Variants in KLHL30 observed in about 807,000 individuals in gnomAD.
The protein encoded by KLHL30 is kelch like family member 30.
A neutral mutation model predicts 55.0 loss-of-function variants in KLHL30; 55 were observed. The observed-to-expected ratio is 1.00, with a 90% CI of 0.80 to 1.25. The LOEUF (loss-of-function observed/expected upper bound fraction) is 1.25. Among genes scored for constraint, KLHL30 ranks in the 50% most tolerant of loss-of-function variants. The pLI, the probability that KLHL30 is intolerant of heterozygous loss-of-function variation, is 0.00. For missense variants in KLHL30, 786 were observed against 811.6 expected (o/e 0.97, Z 0.38); for synonymous variants, 356 against 372.6 (o/e 0.96, Z 0.51).
rs1054289941 is a variant in KLHL30 at position 238,146,797 on chromosome 2, G to A, written c.1150+965G>A. Among the ~76,000 whole-genome samples, 11 of 151,764 alleles carry A rather than the reference G, an allele frequency of 7.2e-5. No individual in the cohort carries two copies. The East Asian group carries it at 1.2e-3, about 16-fold the overall frequency. On this transcript the variant is annotated intron_variant, in intron 5 of 7. Coordinates refer to ENST00000409223, the MANE Select transcript of KLHL30 (RefSeq NM_198582.4). The stretch of plus-strand genomic sequence containing the variant: ...AGCACTTTGGGAGGCTGAGGCAGGC[G>A]GATCACGAGGCCAGGAGTTCAAGAC...
Position 238,145,781 on chromosome 2 carries a change from C to T in KLHL30, c.1099C>T (p.Arg367Cys), listed in dbSNP as rs751824165. 2.2e-5 allele frequency: 35 copies of T among 1,607,668 alleles called. No homozygotes were observed. The highest frequency in any genetic ancestry group is 4.0e-5 in the African/African-American group (3 of 74,848). ...GCCCGTGGCGCCCATGCTGAAGCCCCGCACCAACCACGCCAGCGCGGCCCT... is the reference window on the plus strand; with the variant it reads ...GCCCGTGGCGCCCATGCTGAAGCCCTGCACCAACCACGCCAGCGCGGCCCT... The part of the protein sequence containing the change: ...WKPVAPMLKP[R>C]TNHASAALNG... Residue 367 changes from arginine to cysteine, a missense_variant, in exon 5 of 8, where the codon CGC (arginine) becomes TGC (cysteine). Coordinates refer to ENST00000409223, the MANE Select transcript of KLHL30 (RefSeq NM_198582.4).
intron 3 of KLHL30, among the ~76,000 whole-genome samples, chr2:238,144,103 G>A (rs1429190825): frequency 6.6e-6 from 1 of 152,226 alleles, no homozygotes; most frequent in East Asian, 1.9e-4. Context: ...AGCTCCGAGA[G>A]GCAGGCCTGA....
chr2:238,142,982 G>A (rs1183521263), intron 3 of KLHL30, 51 bp downstream of exon 3: 23 of 1,479,262 alleles, frequency 1.6e-5, no homozygotes, highest in African/African-American at 3.0e-5. Context: ...CTGTCCCAGC[G>A]GGAGCCGCTG....
In KLHL30 at chr2:238,147,010, A is replaced by G. The variant is rs962360875; in HGVS notation, c.1151-824A>G. Among the ~76,000 whole-genome samples, 3 of 151,230 alleles carry G rather than the reference A, an allele frequency of 2.0e-5. No homozygotes were observed. The highest frequency in any genetic ancestry group is 7.3e-5 in the African/African-American group (3 of 41,238). ...GACAGGGTGAGACTCCATCTCAAAA[A>G]AAAAAAAAAAAAGGCAGGCATGGTG... On this transcript the variant is annotated intron_variant, in intron 5 of 7. Coordinates refer to ENST00000409223, the MANE Select transcript of KLHL30 (RefSeq NM_198582.4). This position sits in a 1 kb window ranked among gnomAD's most constrained non-coding sequence, Gnocchi z 5.8.
rs545816689 is a variant in KLHL30 at position 238,151,179 on chromosome 2, C to T, written c.*114C>T. On this transcript the variant is annotated 3_prime_UTR_variant, in exon 8 of 8. Coordinates refer to ENST00000409223, the MANE Select transcript of KLHL30 (RefSeq NM_198582.4). Reference sequence around the variant, plus strand: ...ACTCGGAGCTACCATTCCTTCCAAGCTGCGCTCAGGCCACCAGGGGTGATC... The same window carrying T: ...ACTCGGAGCTACCATTCCTTCCAAGTTGCGCTCAGGCCACCAGGGGTGATC... 15 of 1,417,130 alleles carry T rather than the reference C, an allele frequency of 1.1e-5. No individual in the cohort carries two copies. In the African/African-American group the frequency reaches 2.0e-4, roughly 19 times the overall value. The allele number at this position is 1,417,130 out of a possible 1,614,324, so 87.8% of individuals were successfully genotyped here.
In KLHL30 at chr2:238,149,011, G is replaced by T. The variant is rs370596499; in HGVS notation, c.1344G>T (p.Ala448=). The T allele has an allele frequency of 6.3e-6, 10 of 1,597,264 alleles. No individual in the cohort carries two copies. In the Admixed American group the frequency reaches 1.8e-4, roughly 28 times the overall value. The change falls in exon 7 of 8, where the codon GCG becomes GCT. Residue 448 remains alanine (A), a synonymous_variant. Coordinates refer to ENST00000409223, the MANE Select transcript of KLHL30 (RefSeq NM_198582.4). ...CAGTGCCCGTGCCCCCCACAGATGC[G>T]TGGAGTGTGATCGCCTCGCCCTTCC... The part of the protein sequence containing the change: ...ALQCYNPVTD[A]WSVIASPFLP...
chr2:238,145,308 T>G (rs1692627525), intron 4 of KLHL30, among the ~76,000 whole-genome samples: 1 of 152,146 alleles, frequency 6.6e-6, no homozygotes, highest in Non-Finnish European at 1.5e-5. Flanking sequence ...GGCGGCCTCC[T>G]TCAGCAGGAA....
At chr2:238,143,116 GA>G (rs1307600738) in intron 3 of KLHL30, among the ~76,000 whole-genome samples, 185 bp downstream of exon 3, 1 of 152,248 alleles carries the variant, frequency 6.6e-6, no homozygotes, top group African/African-American at 2.4e-5. Flanking sequence ...GGTACCCCGG[GA>G]GGGGGAAGGC....
Position 238,140,749 on chromosome 2 carries a change from G to A in KLHL30, c.-6G>A, listed in dbSNP as rs78476732. ...TGGACTACTGAGGTCCCCTGGGCAC[G>A]GCGTCATGGTGCGGAACGTGGATGA... is the stretch of plus-strand genomic sequence containing the variant. On this transcript the variant is annotated 5_prime_UTR_variant, in exon 2 of 8. Transcript: ENST00000409223. The A allele has an allele frequency of 1.3e-3, 1,886 of 1,497,668 alleles. 17 individuals are homozygous for A. In the East Asian group the frequency reaches 0.025, roughly 20 times the overall value. 92.8% of individuals were successfully genotyped at this position (1,497,668 alleles called of 1,614,324 possible).
Position 238,152,145 on chromosome 2 carries a change from C to A in KLHL30, c.*1080C>A. On this transcript the variant is annotated 3_prime_UTR_variant, in exon 8 of 8. Transcript: ENST00000409223. Reference sequence around the variant, plus strand: ...GAGTCGGGCCCGGCCAGGCACAGGCCCTGGTGTTGCCCCAGAGGCCCTGGG... The same window carrying A: ...GAGTCGGGCCCGGCCAGGCACAGGCACTGGTGTTGCCCCAGAGGCCCTGGG... 5 of 985,488 alleles carry A rather than the reference C, an allele frequency of 5.1e-6. No homozygotes were observed. Among genetic ancestry groups the A allele is most frequent in the Non-Finnish European group, 6.0e-6 (5 of 829,976 alleles). 61.0% of individuals were successfully genotyped at this position (985,488 alleles called of 1,614,324 possible).
chr2:238,142,772 C>T (rs1692565024), intron 2 of KLHL30, 27 bp from the exon 3 acceptor site: 3 of 1,370,302 alleles, frequency 2.2e-6, no homozygotes, highest in East Asian at 3.1e-5. Flanking sequence ...ATTGCTGTTG[C>T]CCTGACCCTG....
Position 238,152,131 on chromosome 2 carries a change from G to C in KLHL30, c.*1066G>C, listed in dbSNP as rs1452865517. 1 of 985,492 alleles carries C rather than the reference G, an allele frequency of 1.0e-6. No individual in the cohort carries two copies. Among genetic ancestry groups the C allele is most frequent in the Non-Finnish European group, 1.2e-6 (1 of 829,994 alleles). 61.0% of individuals were successfully genotyped at this position (985,492 alleles called of 1,614,324 possible). ...GGGCTAGAAGTCAGGAGTCGGGCCCGGCCAGGCACAGGCCCTGGTGTTGCC... is the reference window on the plus strand; with the variant it reads ...GGGCTAGAAGTCAGGAGTCGGGCCCCGCCAGGCACAGGCCCTGGTGTTGCC... On this transcript the variant is annotated 3_prime_UTR_variant, in exon 8 of 8. Transcript: ENST00000409223.
rs764207264 is a variant in KLHL30 at position 238,145,778 on chromosome 2, C to A, written c.1096C>A (p.Pro366Thr). ...SWKPVAPMLK[P>T]RTNHASAALN... The stretch of plus-strand genomic sequence containing the variant: ...GAAGCCCGTGGCGCCCATGCTGAAG[C>A]CCCGCACCAACCACGCCAGCGCGGC... The change falls in exon 5 of 8, where the codon CCC (proline) becomes ACC (threonine). Residue 366 changes from proline (P) to threonine (T), a missense_variant. Coordinates refer to ENST00000409223, the MANE Select transcript of KLHL30 (RefSeq NM_198582.4). 1.2e-6 allele frequency: 2 copies of A among 1,607,622 alleles called. No individual in the cohort carries two copies. The highest frequency in any genetic ancestry group is 2.2e-5 in the South Asian group (2 of 89,482).
At position 238,147,422 on chromosome 2, in the gene KLHL30, G is replaced by A. The variant is rs1449290071; in HGVS notation, c.1151-412G>A. On this transcript the variant is annotated intron_variant, in intron 5 of 7. Transcript: ENST00000409223. This position sits in a 1 kb window ranked among gnomAD's most constrained non-coding sequence, Gnocchi z 5.8. ...ACTGCCACACCCAGATTGTATCTGG[G>A]ACTGGGAGGGAGCTGCCTACAGCTC... 6.6e-6 allele frequency among the ~76,000 whole-genome samples: 1 copy of A among 152,114 alleles called. No individual in the cohort carries two copies. The highest frequency in any genetic ancestry group is 2.4e-5 in the African/African-American group (1 of 41,426).
At chr2:238,145,063 C>T (rs1163584386) in intron 4 of KLHL30, 75 bp downstream of exon 4, 15 of 1,180,092 alleles carry the variant, frequency 1.3e-5, no homozygotes, top group African/African-American at 1.5e-5. Context: ...CCCCGCACTC[C>T]GTGGGGTCCC....
rs1026513196 is a variant in KLHL30 at position 238,151,044 on chromosome 2, C to T, written c.1716C>T (p.Ser572=). The part of the protein sequence containing the change: ...FLDVSKWTQP[S]GPTQEH Reference sequence around the variant, plus strand: ...ATGTCTCCAAGTGGACCCAGCCCTCCGGCCCCACCCAGGAGCACTAAACCA... The same window carrying T: ...ATGTCTCCAAGTGGACCCAGCCCTCTGGCCCCACCCAGGAGCACTAAACCA... Residue 572 remains serine, a synonymous_variant, in exon 8 of 8, where the codon TCC becomes TCT. Transcript: ENST00000409223. The T allele has an allele frequency of 2.2e-5, 35 of 1,592,216 alleles. No individual in the cohort carries two copies. Among genetic ancestry groups the T allele is most frequent in the Middle Eastern group, 1.7e-4 (1 of 5,744 alleles).
At chr2:238,143,014 G>T in intron 3 of KLHL30, 83 bp downstream of exon 3, 3 of 1,403,106 alleles carry the variant, frequency 2.1e-6, no homozygotes, top group Non-Finnish European at 2.8e-6. Flanking sequence ...CAGGTGGAGC[G>T]CATGAGGCTC....
Position 238,141,087 on chromosome 2 carries a change from G to A in KLHL30, c.333G>A (p.Ala111=), listed in dbSNP as rs748799375. ...GNVEALTRTA[A]RLHFPSVQKV... is the part of the protein sequence containing the mutation. ...TGGAGGCGCTGACACGCACGGCTGC[G>A]CGCCTGCACTTCCCCTCGGTGCAGA... Residue 111 remains alanine, a synonymous_variant, in exon 2 of 8, where the codon GCG becomes GCA. Coordinates refer to ENST00000409223, the MANE Select transcript of KLHL30 (RefSeq NM_198582.4). 3.4e-5 allele frequency: 55 copies of A among 1,608,576 alleles called. No homozygotes were observed. The African/African-American group carries it at 3.9e-4, about 11-fold the overall frequency.
chr2:238,149,263 G>A (rs1692707038), intron 7 of KLHL30, 111 bp downstream of exon 7: 1 of 1,433,084 alleles, frequency 7.0e-7, no homozygotes, highest in South Asian at 1.3e-5. Context: ...CACTGCGAAG[G>A]GGACAGCGCA....
Sources: gnomAD v4.1 joint callset for allele counts (sites outside exome capture counted in the v4.1 genomes callset) on GRCh38, gnomAD v4.1.1 for gene constraint, Gnocchi (gnomAD v3.1) non-coding constraint, MANE v1.5 for transcripts, NCBI Gene and HGNC (gene_info 2026-07-23, HGNC 2026-07-21) for gene names.